Variants in SRPK1 observed in about 807,000 individuals in gnomAD.
SRPK1 encodes the protein SFRS protein kinase 1.
A neutral mutation model predicts 89.5 loss-of-function variants in SRPK1; 52 were observed. The ratio of observed to expected loss-of-function variants is 0.58; its 90% CI spans 0.46 to 0.73. The LOEUF (loss-of-function observed/expected upper bound fraction) is 0.73, where lower values mean the gene tolerates loss of function less well. SRPK1 is among the 30% of genes least tolerant of loss of function. The probability of loss-of-function intolerance (pLI) is 0.00; values close to 1 mark genes in which losing one functional copy is unlikely to be tolerated. For synonymous variants in SRPK1, 255 were observed against 270.2 expected (o/e 0.94, Z 0.55); for missense variants, 603 against 780.6 (o/e 0.77, Z 2.71).
chr6:35,913,870 A>C (rs1408904487), intron 2 of SRPK1, among the ~76,000 whole-genome samples: 1 of 151,958 alleles, frequency 6.6e-6, no homozygotes, highest in Non-Finnish European at 1.5e-5. Context: ...CCACGGTTTT[A>C]AAAATCAATT....
chr6:35,908,169 AG>A (rs1770889777), intron 2 of SRPK1, among the ~76,000 whole-genome samples: 1 of 152,122 alleles, frequency 6.6e-6, no homozygotes, highest in Non-Finnish European at 1.5e-5. Context: ...TACCACAGAG[AG>A]TGGGGTACTG....
chr6:35,835,822 T>C (rs1769166261), intron 15 of SRPK1, among the ~76,000 whole-genome samples: 1 of 152,204 alleles, frequency 6.6e-6, no homozygotes, highest in South Asian at 2.1e-4. Context: ...CATGGTCTTA[T>C]ATGGTGTGCA....
At chr6:35,912,214 G>C (rs1770985204) in intron 2 of SRPK1, among the ~76,000 whole-genome samples, 1 of 152,122 alleles carries the variant, frequency 6.6e-6, no homozygotes, top group African/African-American at 2.4e-5. Context: ...AGCTGGGCAT[G>C]GTGGCATGTG....
intron 1 of SRPK1, chr6:35,920,835 G>A (rs909489225): frequency 1.8e-5 from 9 of 510,764 alleles, no homozygotes; most frequent in Non-Finnish European, 2.6e-5. Flanking sequence ...GGAACAAGGG[G>A]CGGCTACGGC....
Position 35,888,295 on chromosome 6 carries a change from T to C in SRPK1, c.303-184A>G, listed in dbSNP as rs1770450349. On this transcript the variant is annotated intron_variant, in intron 4 of 15. Transcript: ENST00000373825. ...ACACTAACTGGCCAGATTTCATTTA[T>C]AGGAAGAATAAAAAATCTGTTCTCA... is the stretch of plus-strand genomic sequence containing the variant. 2.6e-5 allele frequency among the ~76,000 whole-genome samples: 4 copies of C among 152,308 alleles called. No homozygotes were observed. In the South Asian group the frequency reaches 8.3e-4, roughly 32 times the overall value.
intron 13 of SRPK1, among the ~76,000 whole-genome samples, chr6:35,848,634 T>C (rs1043368828): frequency 6.6e-6 from 1 of 152,170 alleles, no homozygotes; most frequent in Non-Finnish European, 1.5e-5. Flanking sequence ...TAAAACAGCA[T>C]GGTCCTGGCA....
chr6:35,883,676 TTGAG>T lies in SRPK1; in HGVS notation c.478+3044_478+3047del, dbSNP rs1316263345. Among the ~76,000 whole-genome samples, 5 of 151,376 alleles carry T rather than the reference TTGAG, an allele frequency of 3.3e-5. No individual in the cohort carries two copies. The South Asian group carries it at 1.0e-3, about 31-fold the overall frequency. On this transcript the variant is annotated intron_variant, in intron 6 of 15. Coordinates refer to ENST00000373825, the MANE Select transcript of SRPK1 (RefSeq NM_003137.5). The stretch of plus-strand genomic sequence containing the variant: ...TGGCAAAAAGGAAGAGCCAAATAAT[TTGAG>T]TGAAAGAAAGCTAATGAGTAGCAAT...
intron 6 of SRPK1, 133 bp from the exon 7 acceptor site, chr6:35,874,472 A>C (rs147527287): frequency 3.0e-5 from 19 of 641,542 alleles, no homozygotes; most frequent in Non-Finnish European, 4.7e-5. Flanking sequence ...GAATGAATAA[A>C]TATGTAGCTG....
intron 12 of SRPK1, among the ~76,000 whole-genome samples, chr6:35,860,153 G>A (rs1225289813): frequency 6.6e-6 from 1 of 152,096 alleles, no homozygotes; most frequent in Admixed American, 6.6e-5. Context: ...GGCGAGCCAA[G>A]AACGCAGTCA....
intron 12 of SRPK1, among the ~76,000 whole-genome samples, chr6:35,861,191 C>T (rs539030393): frequency 6.6e-6 from 1 of 152,296 alleles, no homozygotes; most frequent in South Asian, 2.1e-4. Flanking sequence ...TGATAGGAAG[C>T]ACCAGAAGGA....
At chr6:35,871,731 C>A (rs192784994) in intron 8 of SRPK1, among the ~76,000 whole-genome samples, 2 of 152,012 alleles carry the variant, frequency 1.3e-5, no homozygotes, top group Admixed American at 6.6e-5. Flanking sequence ...CATAAAGCAG[C>A]CTTTATTTAT....
intron 14 of SRPK1, among the ~76,000 whole-genome samples, chr6:35,839,597 C>A (rs1306587609): frequency 6.6e-6 from 1 of 151,858 alleles, no homozygotes; most frequent in Non-Finnish European, 1.5e-5. Flanking sequence ...GAGTCTGGGA[C>A]CAACCAGTAC....
At chr6:35,920,287 G>T in intron 2 of SRPK1, 181 bp downstream of exon 2, 1 of 703,658 alleles carries the variant, frequency 1.4e-6, no homozygotes, top group Non-Finnish European at 2.6e-6. Flanking sequence ...CAGGCCTGGC[G>T]TTGAGCAACA....
At chr6:35,858,233 C>T (rs777822337) in intron 12 of SRPK1, among the ~76,000 whole-genome samples, 8 of 151,806 alleles carry the variant, frequency 5.3e-5, no homozygotes, top group African/African-American at 9.7e-5. Context: ...CCCAACCCTG[C>T]CACCACACCT....
intron 2 of SRPK1, among the ~76,000 whole-genome samples, chr6:35,892,683 C>CG (rs1561989590): frequency 5.4e-4 from 75 of 139,182 alleles, no homozygotes; most frequent in African/African-American, 2.0e-3. Context: ...ACAACAACAA[C>CG]AACAACGACA....
chr6:35,914,596 T>C (rs2127270191), intron 2 of SRPK1, among the ~76,000 whole-genome samples: 1 of 152,286 alleles, frequency 6.6e-6, no homozygotes, highest in Non-Finnish European at 1.5e-5. Flanking sequence ...CTCTTTTTTC[T>C]CCACCTATCA....
Position 35,921,064 on chromosome 6 carries a change from C to A in SRPK1, c.-8G>T. 6.5e-7 allele frequency: 1 copy of A among 1,528,186 alleles called. No individual in the cohort carries two copies. The highest frequency in any genetic ancestry group is 8.8e-7 in the Non-Finnish European group (1 of 1,138,404). The allele number at this position is 1,528,186 out of a possible 1,614,324, so 94.7% of individuals were successfully genotyped here. On this transcript the variant is annotated 5_prime_UTR_variant, in exon 1 of 16. Coordinates refer to ENST00000373825, the MANE Select transcript of SRPK1 (RefSeq NM_003137.5). ...CTCACCTTTCCGCTCCATGGTGAGA[C>A]CGGTAATCGCCAGGCGCCTGCGCAC...
chr6:35,860,748 T>C (rs910987366), intron 12 of SRPK1, among the ~76,000 whole-genome samples: 1 of 151,880 alleles, frequency 6.6e-6, no homozygotes, highest in Non-Finnish European at 1.5e-5. Flanking sequence ...TTAAGTGTTG[T>C]GGAGAAAAAA....
Position 35,835,377 on chromosome 6 carries a change from G to C in SRPK1, c.1895C>G (p.Pro632Arg). Residue 632 changes from proline to arginine, a missense_variant, in exon 16 of 16, where the codon CCC (proline) becomes CGC (arginine). Coordinates refer to ENST00000373825, the MANE Select transcript of SRPK1 (RefSeq NM_003137.5). ...EAAGFTDFLL[P>R]MLELIPEKRA... Reference sequence around the variant, plus strand: ...CTTCTCAGGGATCAGCTCCAACATGGGCAGTAAGAAATCTGTGAAGCCAGC... The same window carrying C: ...CTTCTCAGGGATCAGCTCCAACATGCGCAGTAAGAAATCTGTGAAGCCAGC... 6.2e-7 allele frequency: 1 copy of C among 1,613,744 alleles called. No individual in the cohort carries two copies. Among genetic ancestry groups the C allele is most frequent in the Middle Eastern group, 1.7e-4 (1 of 6,060 alleles).
Sources: allele counts gnomAD v4.1 joint callset (sites outside exome capture counted in the v4.1 genomes callset), GRCh38; gene constraint gnomAD v4.1.1; transcripts MANE v1.5; gene names NCBI Gene and HGNC (gene_info 2026-07-23, HGNC 2026-07-21).